The following PTPN2 variants were observed in gnomAD, a reference collection of about 807,000 sequenced individuals.
The protein encoded by PTPN2 is tyrosine-protein phosphatase non-receptor type 2.
In PTPN2, 19 loss-of-function variants were observed where a neutral mutation model predicts 57.3. That is an observed-to-expected ratio of 0.33 (90% confidence interval 0.23 to 0.49). PTPN2 has a LOEUF of 0.49. Among genes scored for constraint, PTPN2 ranks in the 20% least tolerant of loss-of-function variants. The probability of loss-of-function intolerance (pLI) is 0.99; values close to 1 mark genes in which losing one functional copy is unlikely to be tolerated. For synonymous variants in PTPN2, 153 were observed against 164.9 expected, an observed-to-expected ratio of 0.93 and a Z score of 0.55; for missense variants, 358 against 501.1, an observed-to-expected ratio of 0.71 and a Z score of 2.73.
intron 5 of PTPN2, chr18:12,819,219 G>A (rs2042188150): frequency 1.4e-6 from 2 of 1,418,100 alleles, no homozygotes; most frequent in Non-Finnish European, 1.9e-6. Flanking sequence ...CATACTTTTA[G>A]TGACCTTTTA....
chr18:12,811,408 T>A (rs560505505), intron 7 of PTPN2, among the ~76,000 whole-genome samples: 13 of 152,108 alleles, frequency 8.5e-5, no homozygotes, highest in Middle Eastern at 3.4e-3. Context: ...ACACCAAAAA[T>A]CAAGTCTCAC....
At chr18:12,883,752 A>G in intron 1 of PTPN2, 1 of 228,942 alleles carries the variant, frequency 4.4e-6, no homozygotes, top group Non-Finnish European at 8.6e-6. Flanking sequence ...AAGGACCCCC[A>G]GACCCGGGCC....
At chr18:12,815,766 T>C (rs2042054761) in intron 6 of PTPN2, among the ~76,000 whole-genome samples, 1 of 152,210 alleles carries the variant, frequency 6.6e-6, no homozygotes, top group Non-Finnish European at 1.5e-5. Flanking sequence ...TCATTAGAGA[T>C]GCAACGTCTG....
At chr18:12,848,435 C>T (rs2043284242) in intron 2 of PTPN2, among the ~76,000 whole-genome samples, 1 of 152,194 alleles carries the variant, frequency 6.6e-6, no homozygotes, top group Non-Finnish European at 1.5e-5. Context: ...ACATGCATGG[C>T]CTTAGTGAGT....
intron 2 of PTPN2, among the ~76,000 whole-genome samples, chr18:12,850,576 T>C (rs1169383392): frequency 6.6e-6 from 1 of 152,150 alleles, no homozygotes; most frequent in South Asian, 2.1e-4. Context: ...CAAGTTTTGA[T>C]AAGCAGTATT....
intron 1 of PTPN2, among the ~76,000 whole-genome samples, chr18:12,870,286 TATACATATATATGTGTATATATAC>T (rs2044151293): frequency 1.0e-4 from 7 of 67,402 alleles, no homozygotes; most frequent in Non-Finnish European, 1.5e-4. Context: ...TATATATACA[TATACATATATATGTGTATATATAC>T]ATATATATGT....
At chr18:12,823,927 A>C (rs1359711466) in intron 5 of PTPN2, among the ~76,000 whole-genome samples, 1 of 152,228 alleles carries the variant, frequency 6.6e-6, no homozygotes, top group African/African-American at 2.4e-5. Flanking sequence ...CTTAAGGTAT[A>C]ATCAATTCTC....
intron 7 of PTPN2, among the ~76,000 whole-genome samples, chr18:12,812,000 T>C (rs1456680984): frequency 6.6e-6 from 1 of 152,220 alleles, no homozygotes; most frequent in Non-Finnish European, 1.5e-5. Flanking sequence ...TTGTTAAAAG[T>C]TTATCATTTA....
intron 1 of PTPN2, among the ~76,000 whole-genome samples, chr18:12,866,067 T>C (rs1412537080): frequency 3.3e-5 from 5 of 152,218 alleles, no homozygotes; most frequent in African/African-American, 1.2e-4. Context: ...ATCTATATAA[T>C]GGAATCTTAC....
intron 5 of PTPN2, among the ~76,000 whole-genome samples, chr18:12,824,238 G>C (rs2042369731): frequency 1.3e-5 from 2 of 152,176 alleles, no homozygotes; most frequent in South Asian, 4.1e-4. Flanking sequence ...ATTATCATTC[G>C]TAATTTTGAG....
intron 5 of PTPN2, among the ~76,000 whole-genome samples, chr18:12,821,816 C>CT (rs899821886): frequency 2.0e-4 from 30 of 152,180 alleles, no homozygotes; most frequent in African/African-American, 6.0e-4. Context: ...TGGACACAGA[C>CT]TTTTTTTGGT....
chr18:12,875,315 A>AT (rs1160930577), intron 1 of PTPN2, among the ~76,000 whole-genome samples: 68 of 111,122 alleles, frequency 6.1e-4, no homozygotes, highest in African/African-American at 2.7e-3. Context: ...AAAAATAAAA[A>AT]TTAAAAAAAA....
intron 5 of PTPN2, among the ~76,000 whole-genome samples, chr18:12,821,594 A>G (rs2847281): frequency 0.32 from 48,104 of 152,170 alleles, 8,935 homozygotes; most frequent in Admixed American, 0.41. Context: ...CAAACTCACC[A>G]GATCAGGAGG....
intron 7 of PTPN2, among the ~76,000 whole-genome samples, chr18:12,810,498 T>G (rs931244919): frequency 3.3e-5 from 5 of 152,216 alleles, no homozygotes; most frequent in Non-Finnish European, 7.3e-5. Context: ...CAGGCCAGAA[T>G]GCAATGGTGT....
intron 3 of PTPN2, among the ~76,000 whole-genome samples, chr18:12,835,046 T>C (rs964586502): frequency 1.3e-5 from 2 of 152,180 alleles, no homozygotes; most frequent in African/African-American, 4.8e-5. Flanking sequence ...TCACATCCCA[T>C]GAATACCGTA....
At position 12,793,744 on chromosome 18, in the gene PTPN2, TAC is replaced by T. The variant is rs556093642; in HGVS notation, c.*532_*533del. 1.7e-3 allele frequency: 1,568 copies of T among 942,032 alleles called. 2 individuals carry two copies. The highest frequency in any genetic ancestry group is 1.8e-3 in the Non-Finnish European group (1,398 of 789,930). The allele number at this position is 942,032 out of a possible 1,614,324, so 58.4% of individuals were successfully genotyped here. A position where few individuals can be genotyped will look rare whatever the true frequency, so the allele number is the denominator to read the frequency against. ...TTTTTCAAATTGAGCTCTTAAAAAG[TAC>T]AGTTAACTACAAAAGATTAAATAGA... On this transcript the variant is annotated 3_prime_UTR_variant, in exon 9 of 9. Coordinates refer to ENST00000309660, the MANE Select transcript of PTPN2 (RefSeq NM_002828.4).
intron 4 of PTPN2, among the ~76,000 whole-genome samples, chr18:12,830,723 T>C (rs921179289): frequency 2.0e-5 from 3 of 152,212 alleles, no homozygotes; most frequent in Non-Finnish European, 4.4e-5. Context: ...ATTTATTCCA[T>C]TGTATTTCTA....
At chr18:12,817,785 C>T (rs796207436) in intron 5 of PTPN2, among the ~76,000 whole-genome samples, 47 of 152,288 alleles carry the variant, frequency 3.1e-4, no homozygotes, top group African/African-American at 1.1e-3. Flanking sequence ...TAATCTGTTA[C>T]CATACATGTT....
chr18:12,840,858 A>G (rs1440073174), intron 2 of PTPN2: 7 of 1,590,760 alleles, frequency 4.4e-6, no homozygotes, highest in African/African-American at 2.7e-5. Flanking sequence ...CCTCTCTCAC[A>G]TAAACCCCAC....
Sources: allele counts gnomAD v4.1 joint callset (sites outside exome capture counted in the v4.1 genomes callset), GRCh38; gene constraint gnomAD v4.1.1; transcripts MANE v1.5; gene names NCBI Gene and HGNC (gene_info 2026-07-23, HGNC 2026-07-21).